The following MSRA variants were observed in gnomAD, a reference collection of about 807,000 sequenced individuals.
The protein encoded by MSRA is mitochondrial peptide methionine sulfoxide reductase.
MSRA carries 54 observed loss-of-function variants against 31.3 expected under a neutral mutation model. That is an observed-to-expected ratio of 1.73 (90% CI 1.39 to 2.17). The LOEUF (loss-of-function observed/expected upper bound fraction) is 2.17. Ranked by LOEUF, MSRA falls within the 30% of genes most tolerant of loss-of-function variation. MSRA has a pLI of 0.00. For synonymous variants in MSRA, 169 were observed against 116.5 expected, an observed-to-expected ratio of 1.45 and a Z score of -2.90; for missense variants, 507 against 300.9, an observed-to-expected ratio of 1.69 and a Z score of -5.07.
At chr8:10,197,218 G>A (rs1808070628) in intron 1 of MSRA, among the ~76,000 whole-genome samples, 5 of 152,172 alleles carry the variant, frequency 3.3e-5, no homozygotes, top group Admixed American at 1.3e-4. Flanking sequence ...TAAAAGTCAG[G>A]TGGAAAATTT....
intron 3 of MSRA, among the ~76,000 whole-genome samples, chr8:10,289,822 G>T (rs775429585): frequency 3.3e-5 from 5 of 152,172 alleles, no homozygotes; most frequent in Non-Finnish European, 7.3e-5. Flanking sequence ...CGTCCATGTT[G>T]TTCTGTTTGT....
At chr8:10,095,955 T>C in intron 1 of MSRA, 1 of 1,367,902 alleles carries the variant, frequency 7.3e-7, no homozygotes, top group Middle Eastern at 2.7e-4. Flanking sequence ...AGAGGGAATA[T>C]TAATTTTCTA....
intron 1 of MSRA, among the ~76,000 whole-genome samples, chr8:10,123,995 G>T (rs1376901449): frequency 6.6e-6 from 1 of 151,936 alleles, no homozygotes; most frequent in East Asian, 2.0e-4. Context: ...TGTGAAGACA[G>T]TAGAAGTTCT....
intron 2 of MSRA, among the ~76,000 whole-genome samples, chr8:10,232,723 T>A (rs1811599149): frequency 6.6e-6 from 1 of 152,184 alleles, no homozygotes; most frequent in Admixed American, 6.5e-5. Flanking sequence ...GACACAGATA[T>A]TCATGAGTAA....
chr8:10,327,643 AACCTACTTGGCTGGGCACGGTGGC>A (rs1450751027), intron 5 of MSRA, among the ~76,000 whole-genome samples: 8 of 152,054 alleles, frequency 5.3e-5, no homozygotes, highest in African/African-American at 1.9e-4. Flanking sequence ...ACTACCAAAT[AACCTACTTGGCTGGGCACGGTGGC>A]TCACGCCTGT....
At chr8:10,401,993 G>A (rs914255565) in intron 5 of MSRA, among the ~76,000 whole-genome samples, 1 of 152,186 alleles carries the variant, frequency 6.6e-6, no homozygotes, top group Admixed American at 6.5e-5. Context: ...GCACAGCACT[G>A]TAAATGTACT....
intron 1 of MSRA, among the ~76,000 whole-genome samples, chr8:10,057,265 CG>C (rs1479598070): frequency 6.6e-6 from 1 of 152,112 alleles, no homozygotes; most frequent in Non-Finnish European, 1.5e-5. Context: ...GTAGGGCACA[CG>C]GCAATGTGTC....
intron 3 of MSRA, among the ~76,000 whole-genome samples, chr8:10,297,724 T>G (rs1385353753): frequency 6.6e-6 from 1 of 152,256 alleles, no homozygotes. Context: ...CAAATGAATC[T>G]TGAATTTGAA....
chr8:10,309,225 T>A (rs1801301235), intron 4 of MSRA, among the ~76,000 whole-genome samples: 1 of 152,272 alleles, frequency 6.6e-6, no homozygotes, highest in African/African-American at 2.4e-5. Flanking sequence ...GGGCTTTGTA[T>A]TAAATGTTTT....
chr8:10,315,608 A>G (rs1191171715), intron 4 of MSRA, among the ~76,000 whole-genome samples: 1 of 152,228 alleles, frequency 6.6e-6, no homozygotes, highest in Non-Finnish European at 1.5e-5. Context: ...TAATATGAAC[A>G]CTATCCATGA....
intron 1 of MSRA, among the ~76,000 whole-genome samples, chr8:10,065,273 T>G (rs1424283281): frequency 1.3e-5 from 2 of 151,966 alleles, no homozygotes; most frequent in East Asian, 3.9e-4. Flanking sequence ...GCTAGCCCCA[T>G]GCAGGTTGCT....
intron 1 of MSRA, among the ~76,000 whole-genome samples, chr8:10,128,305 G>A (rs1801645423): frequency 6.6e-6 from 1 of 151,974 alleles, no homozygotes; most frequent in Admixed American, 6.6e-5. Flanking sequence ...CTTGAACCTG[G>A]GAGGCGGAGG....
At chr8:10,193,810 G>A (rs184019026) in intron 1 of MSRA, among the ~76,000 whole-genome samples, 2 of 152,238 alleles carry the variant, frequency 1.3e-5, no homozygotes, top group African/African-American at 4.8e-5. Context: ...CAGAATGACA[G>A]GTCCTTAGAA....
chr8:10,096,301 G>C, intron 1 of MSRA: 1 of 1,118,888 alleles, frequency 8.9e-7, no homozygotes. Flanking sequence ...GACTTCGCTT[G>C]AAGGGCAAAC....
intron 1 of MSRA, among the ~76,000 whole-genome samples, chr8:10,060,552 C>A (rs685218): frequency 0.42 from 63,015 of 151,624 alleles, 13,858 homozygotes; most frequent in African/African-American, 0.56. Flanking sequence ...TTGTGAATTA[C>A]ATAACTCCAC....
chr8:10,337,521 C>G, intron 5 of MSRA: 1 of 584,134 alleles, frequency 1.7e-6, no homozygotes. Flanking sequence ...AGACTGTGTG[C>G]TACTAGGCTA....
chr8:10,244,247 C>G (rs1360421304), intron 2 of MSRA, among the ~76,000 whole-genome samples: 1 of 152,112 alleles, frequency 6.6e-6, no homozygotes, highest in African/African-American at 2.4e-5. Flanking sequence ...CCATAGAACA[C>G]CAATTGTACT....
At chr8:10,269,401 A>G (rs941753928) in intron 3 of MSRA, among the ~76,000 whole-genome samples, 2 of 152,214 alleles carry the variant, frequency 1.3e-5, no homozygotes, top group African/African-American at 4.8e-5. Flanking sequence ...AGGCCTACTT[A>G]TGGAAGAAAC....
At chr8:10,315,556 C>G (rs566457327) in intron 4 of MSRA, among the ~76,000 whole-genome samples, 8 of 152,312 alleles carry the variant, frequency 5.3e-5, no homozygotes, top group South Asian at 2.1e-4. Flanking sequence ...GTAATTAAAT[C>G]TGGAAACTAC....
Sources: allele counts gnomAD v4.1 joint callset (sites outside exome capture counted in the v4.1 genomes callset), GRCh38; gene constraint gnomAD v4.1.1; transcripts MANE v1.5; gene names NCBI Gene and HGNC (gene_info 2026-07-23, HGNC 2026-07-21).